Variants in CNOT11 observed in about 807,000 individuals in gnomAD.
CNOT11 encodes CCR4-NOT transcription complex subunit 11.
A neutral mutation model predicts 44.6 loss-of-function variants in CNOT11; 18 were observed. The observed-to-expected ratio is 0.40, with a 90% CI of 0.28 to 0.60. The LOEUF (loss-of-function observed/expected upper bound fraction) is 0.60. Ranked by LOEUF, CNOT11 falls within the 20% of genes least tolerant of loss-of-function variation. The probability of loss-of-function intolerance (pLI) is 0.38; values close to 1 mark genes in which losing one functional copy is unlikely to be tolerated. For missense variants in CNOT11, 513 were observed against 677.0 expected (o/e 0.76, Z 2.69); for synonymous variants, 291 against 270.9 (o/e 1.07, Z -0.73).
Position 101,257,902 on chromosome 2 carries a change from T to G in CNOT11, c.626T>G (p.Val209Gly). 1 of 1,614,062 alleles carries G rather than the reference T, an allele frequency of 6.2e-7. No individual in the cohort carries two copies. Among genetic ancestry groups the G allele is most frequent in the Non-Finnish European group, 8.5e-7 (1 of 1,179,978 alleles). Residue 209 changes from valine (V) to glycine (G), a missense_variant, in exon 2 of 7, where the codon GTT becomes GGT. Physicochemically the swap from Val to Gly is moderately radical, Grantham distance 109. This residue lies in a region of CNOT11 where 27 missense variants were observed against 56.1 expected (regional missense o/e 0.48). Coordinates refer to ENST00000289382, the MANE Select transcript of CNOT11 (RefSeq NM_017546.5). ...KTPRQIALMD[V>G]GNMGQSVDIS... ...CCTCGCCAGATTGCACTGATGGACG[T>G]TGGAAACATGGGCCAGTCTGTGGAC...
chr2:101,262,514 AT>A (rs748058851), intron 2 of CNOT11, 24 bp from the exon 3 acceptor site: 31 of 1,611,792 alleles, frequency 1.9e-5, no homozygotes, highest in Non-Finnish European at 2.5e-5. Flanking sequence ...GATGTCCATA[AT>A]TTTAAAATGT....
At chr2:101,257,027 C>G (rs1440316635) in intron 1 of CNOT11, among the ~76,000 whole-genome samples, 1 of 150,144 alleles carries the variant, frequency 6.7e-6, no homozygotes, top group African/African-American at 2.5e-5. Context: ...CCAGCCTGGG[C>G]GACAGAGCGA....
intron 1 of CNOT11, among the ~76,000 whole-genome samples, chr2:101,255,266 C>T (rs567859738): frequency 2.6e-5 from 4 of 151,976 alleles, no homozygotes; most frequent in East Asian, 1.9e-4. Context: ...GAGGCCGAGG[C>T]GGGCGGATCA....
intron 3 of CNOT11, 92 bp from the exon 4 acceptor site, chr2:101,264,753 G>T: frequency 1.0e-6 from 1 of 1,003,556 alleles, no homozygotes. Flanking sequence ...CTTATTAAGA[G>T]ATTTCTTTGC....
chr2:101,256,941 C>T (rs1333695421), intron 1 of CNOT11, among the ~76,000 whole-genome samples: 7 of 151,388 alleles, frequency 4.6e-5, no homozygotes, highest in Middle Eastern at 3.4e-3. Context: ...CCCAGCTACT[C>T]GGGAGCCAGA....
At position 101,257,812 on chromosome 2, in the gene CNOT11, C is replaced by T. The variant is rs1421497086; in HGVS notation, c.536C>T (p.Pro179Leu). The T allele has an allele frequency of 6.2e-7, 1 of 1,613,538 alleles. No individual in the cohort carries two copies. Among genetic ancestry groups the T allele is most frequent in the Non-Finnish European group, 8.5e-7 (1 of 1,179,772 alleles). The change falls in exon 2 of 7, where the codon CCA (proline) becomes CTA (leucine). Residue 179 changes from proline to leucine, a missense_variant. By Grantham distance (98) the Pro-to-Leu change is moderately conservative (BLOSUM62 -3). Coordinates refer to ENST00000289382, the MANE Select transcript of CNOT11 (RefSeq NM_017546.5). ...PLSGFLPPIT[P>L]PEKFFLSQLM... ...GCAGGATTTTTACCTCCTATAACTCCACCAGAAAAGTTTTTTCTTTCCCAG... is the reference window on the plus strand; with the variant it reads ...GCAGGATTTTTACCTCCTATAACTCTACCAGAAAAGTTTTTTCTTTCCCAG...
chr2:101,256,907 G>A (rs1172154586), intron 1 of CNOT11, among the ~76,000 whole-genome samples: 1 of 152,040 alleles, frequency 6.6e-6, no homozygotes, highest in Admixed American at 6.6e-5. Context: ...AAATTACCTG[G>A]GCGTGGTGGC....
In CNOT11 at chr2:101,253,187, A is replaced by T; in HGVS notation, c.223A>T (p.Ile75Leu). The T allele has an allele frequency of 6.2e-7, 1 of 1,604,174 alleles. No homozygotes were observed. The highest frequency in any genetic ancestry group is 1.1e-5 in the South Asian group (1 of 89,930). The part of the protein sequence containing the change: ...PKELSSLLSI[I>L]SEEAGGGSTF... ...GGAGCTCTCGAGCCTGCTGAGCATC[A>T]TATCGGAGGAGGCGGGCGGCGGCAG... The change falls in exon 1 of 7, where the codon ATA becomes TTA. Residue 75 changes from isoleucine (I) to leucine (L), a missense_variant. Coordinates refer to ENST00000289382, the MANE Select transcript of CNOT11 (RefSeq NM_017546.5). This position sits in a 1 kb window ranked among gnomAD's most constrained non-coding sequence, Gnocchi z 4.3.
chr2:101,268,056 G>T (rs1682031265), intron 5 of CNOT11, among the ~76,000 whole-genome samples: 1 of 152,240 alleles, frequency 6.6e-6, no homozygotes, highest in Admixed American at 6.5e-5. Flanking sequence ...TGAGGGAGTG[G>T]AAGTACGTGC....
At position 101,269,150 on chromosome 2, in the gene CNOT11, T is replaced by C. The variant is rs935027073; in HGVS notation, c.1335+14T>C. Reference sequence around the variant, plus strand: ...AAATATATGCAGGTAATATAAATTTTTGTAAATTTTATAAATGGCTGCCAG... The same window carrying C: ...AAATATATGCAGGTAATATAAATTTCTGTAAATTTTATAAATGGCTGCCAG... On this transcript the variant is annotated intron_variant, in intron 6 of 6. Transcript: ENST00000289382. This position sits in a 1 kb window ranked among gnomAD's most constrained non-coding sequence, Gnocchi z 4.8. 1 of 1,598,162 alleles carries C rather than the reference T, an allele frequency of 6.3e-7. No individual in the cohort carries two copies. The highest frequency in any genetic ancestry group is 8.5e-7 in the Non-Finnish European group (1 of 1,172,242).
intron 1 of CNOT11, among the ~76,000 whole-genome samples, chr2:101,256,873 C>G (rs1367408928): frequency 1.3e-5 from 2 of 151,522 alleles, no homozygotes; most frequent in Admixed American, 1.3e-4. Context: ...ACGGTGAAAC[C>G]CTGTCTTTAC....
chr2:101,261,641 T>A (rs534915000), intron 2 of CNOT11, among the ~76,000 whole-genome samples: 2 of 152,216 alleles, frequency 1.3e-5, no homozygotes, highest in Non-Finnish European at 2.9e-5. Context: ...TTACCTTACA[T>A]CCTCTTCAGC....
intron 5 of CNOT11, among the ~76,000 whole-genome samples, chr2:101,268,808 A>G (rs896264030): frequency 1.1e-4 from 17 of 152,210 alleles, no homozygotes; most frequent in Non-Finnish European, 2.9e-5. Context: ...ACAGGGCTCA[A>G]AAAAATAATT....
Position 101,269,825 on chromosome 2 carries a change from G to C in CNOT11, c.*412G>C, listed in dbSNP as rs1682070734. 6.3e-6 allele frequency: 1 copy of C among 157,510 alleles called. No individual in the cohort carries two copies. Among genetic ancestry groups the C allele is most frequent in the African/African-American group, 2.4e-5 (1 of 41,504 alleles). 9.8% of individuals were successfully genotyped at this position (157,510 alleles called of 1,614,324 possible). A position where few individuals can be genotyped will look rare whatever the true frequency, so the allele number is the denominator to read the frequency against. ...AGCATTTGTCCTAGAGGTGAAAGCA[G>C]CTGAATGTTTCTGAACCATCAAGAG... On this transcript the variant is annotated 3_prime_UTR_variant, in exon 7 of 7. Coordinates refer to ENST00000289382, the MANE Select transcript of CNOT11 (RefSeq NM_017546.5). The surrounding 1 kb of genome is among the most constrained non-coding windows in gnomAD (Gnocchi z 4.8).
intron 2 of CNOT11, among the ~76,000 whole-genome samples, chr2:101,262,268 G>C (rs1483118319): frequency 1.3e-5 from 2 of 152,176 alleles, no homozygotes; most frequent in African/African-American, 4.8e-5. Context: ...GCAGGTCCTT[G>C]AATAACACTG....
intron 2 of CNOT11, among the ~76,000 whole-genome samples, chr2:101,262,077 T>C (rs999160925): frequency 2.0e-5 from 3 of 152,104 alleles, no homozygotes; most frequent in African/African-American, 7.2e-5. Flanking sequence ...CTCGATCTCC[T>C]GACCTCGTGA....
In CNOT11 at chr2:101,257,904, G is replaced by A; in HGVS notation, c.628G>A (p.Gly210Arg). 2 of 1,614,146 alleles carry A rather than the reference G, an allele frequency of 1.2e-6. No individual in the cohort carries two copies. Among genetic ancestry groups the A allele is most frequent in the Non-Finnish European group, 1.7e-6 (2 of 1,180,000 alleles). ...TPRQIALMDV[G>R]NMGQSVDISG... Reference sequence around the variant, plus strand: ...TCGCCAGATTGCACTGATGGACGTTGGAAACATGGGCCAGTCTGTGGACAT... The same window carrying A: ...TCGCCAGATTGCACTGATGGACGTTAGAAACATGGGCCAGTCTGTGGACAT... Residue 210 changes from glycine (G) to arginine (R), a missense_variant, in exon 2 of 7, where the codon GGA becomes AGA. Transcript: ENST00000289382.
At chr2:101,264,743 C>A in intron 3 of CNOT11, 102 bp from the exon 4 acceptor site, 1 of 908,580 alleles carries the variant, frequency 1.1e-6, no homozygotes, top group Non-Finnish European at 1.8e-6. Context: ...TCACATCATC[C>A]TTATTAAGAG....
In CNOT11 at chr2:101,262,583, A is replaced by T. The variant is rs1282724476; in HGVS notation, c.724A>T (p.Ser242Cys). Residue 242 changes from serine to cysteine, a missense_variant, in exon 3 of 7, where the codon AGT becomes TGT. Around this residue, in one of 4 missense-constraint regions of CNOT11, gnomAD observed 140 missense variants for 169.8 expected, o/e 0.82. Coordinates refer to ENST00000289382, the MANE Select transcript of CNOT11 (RefSeq NM_017546.5). ...AACGCAAAGCAAAGCGAGCTTCCCC[A>T]GTATTCTCAGTGACCCAGACCCGGA... ...LPTQSKASFPSILSDPDPDSS... is the reference protein window; with the variant it reads ...LPTQSKASFPCILSDPDPDSS... 1.5e-5 allele frequency: 25 copies of T among 1,614,028 alleles called. No homozygotes were observed. Among genetic ancestry groups the T allele is most frequent in the Non-Finnish European group, 2.0e-5 (24 of 1,180,020 alleles).
Sources: gnomAD v4.1 joint callset for allele counts (sites outside exome capture counted in the v4.1 genomes callset) on GRCh38, gnomAD v4.1.1 for gene constraint, gnomAD v4.1.1 regional missense constraint, Gnocchi (gnomAD v3.1) non-coding constraint, MANE v1.5 for transcripts, NCBI Gene and HGNC (gene_info 2026-07-23, HGNC 2026-07-21) for gene names.